The following ZNF83 variants were observed in gnomAD, a reference collection of about 807,000 sequenced individuals.
ZNF83 encodes zinc finger protein 83.
For synonymous variants in ZNF83, 209 were observed against 213.0 expected (o/e 0.98, Z 0.17); for missense variants, 552 against 629.9 (o/e 0.88, Z 1.32).
intron 2 of ZNF83, among the ~76,000 whole-genome samples, chr19:52,625,286 A>G (rs1275830801): frequency 6.6e-6 from 1 of 152,060 alleles, no homozygotes; most frequent in Non-Finnish European, 1.5e-5. Context: ...TATACCTTCC[A>G]TATCTTGCAC....
intron 1 of ZNF83, among the ~76,000 whole-genome samples, chr19:52,671,623 T>C (rs1432190103): frequency 6.6e-6 from 1 of 152,090 alleles, no homozygotes; most frequent in African/African-American, 2.4e-5. Context: ...GTTAGTACTT[T>C]GTAGAGGGGT....
chr19:52,667,401 TAA>T (rs969247228), intron 1 of ZNF83, among the ~76,000 whole-genome samples: 3 of 152,138 alleles, frequency 2.0e-5, no homozygotes, highest in Non-Finnish European at 2.9e-5. Flanking sequence ...AGAAAAGTTA[TAA>T]GAGGGAATTT....
chr19:52,682,243 G>A (rs968633606), intron 1 of ZNF83, among the ~76,000 whole-genome samples: 2 of 152,066 alleles, frequency 1.3e-5, no homozygotes, highest in African/African-American at 2.4e-5. Flanking sequence ...CAAATGATGT[G>A]TTTTCTACGT....
Position 52,653,332 on chromosome 19 carries a change from T to C in ZNF83, c.-74+2229A>G, listed in dbSNP as rs879159509. 4.7e-6 allele frequency: 6 copies of C among 1,265,866 alleles called. No homozygotes were observed. The South Asian group carries it at 5.9e-5, about 13-fold the overall frequency. The allele number at this position is 1,265,866 out of a possible 1,614,324, so 78.4% of individuals were successfully genotyped here. On this transcript the variant is annotated intron_variant, in intron 3 of 5. Coordinates refer to the ZNF83 transcript ENST00000594682. ...ACATGTGTAAGGTTTCTCTCCAGTATGAACTCTCTGATGTTGTGCAAGGTA... is the reference window on the plus strand; with the variant it reads ...ACATGTGTAAGGTTTCTCTCCAGTACGAACTCTCTGATGTTGTGCAAGGTA...
intron 1 of ZNF83, among the ~76,000 whole-genome samples, chr19:52,687,604 TATATATAATGTGTATATATATATATA>T (rs1568588921): frequency 7.7e-5 from 3 of 38,968 alleles, no homozygotes; most frequent in African/African-American, 4.1e-4. Context: ...ATAATGTATA[TATATATAATGTGTATATATATATATA>T]ATGTATATAT....
At chr19:52,644,337 C>G (rs329951) in intron 3 of ZNF83, among the ~76,000 whole-genome samples, 122,784 of 152,094 alleles carry the variant, frequency 0.81, 50,237 homozygotes, top group African/African-American at 0.95. Context: ...CTTTTCCGGT[C>G]TAGCCCCTCA....
chr19:52,619,092 G>A (rs751512377), intron 2 of ZNF83: 3 of 1,610,530 alleles, frequency 1.9e-6, no homozygotes, highest in South Asian at 1.1e-5. Flanking sequence ...TAACCAAATG[G>A]TTATGGGAGG....
At chr19:52,612,454 T>G (rs1282305602) in exon 3 of ZNF83, 2 of 152,992 alleles carry the variant, frequency 1.3e-5, no homozygotes, top group African/African-American at 4.8e-5. Flanking sequence ...TATTACATTA[T>G]CTTTGTGTAG....
chr19:52,614,438 T>C, exon 3 of ZNF83: 2 of 1,613,740 alleles, frequency 1.2e-6, no homozygotes, highest in Non-Finnish European at 1.7e-6. Context: ...GATTTTTCCA[T>C]GTGATCATAT....
chr19:52,627,194 A>G (rs2060773866), intron 2 of ZNF83, among the ~76,000 whole-genome samples: 1 of 140,978 alleles, frequency 7.1e-6, no homozygotes, highest in South Asian at 2.1e-4. Flanking sequence ...AAACTGCCCC[A>G]CCCCATCTCC....
intron 2 of ZNF83, chr19:52,618,663 C>T: frequency 4.0e-6 from 2 of 503,448 alleles, no homozygotes; most frequent in Non-Finnish European, 6.5e-6. Flanking sequence ...TCCCAAAGTG[C>T]TGGGATTACA....
chr19:52,655,162 G>A (rs955573009), intron 3 of ZNF83: 1 of 188,196 alleles, frequency 5.3e-6, no homozygotes, highest in Non-Finnish European at 1.1e-5. Context: ...ACTCCAGCCT[G>A]AGCAAGAGAG....
rs374571821 is a variant in ZNF83, at chr19:52,676,502, G to A, written c.-283+13941C>T. Among the ~76,000 whole-genome samples, 616 of 151,218 alleles carry A rather than the reference G, an allele frequency of 4.1e-3. 1 individual carries two copies. Among genetic ancestry groups the A allele is most frequent in the African/African-American group, 0.014 (584 of 41,302 alleles). On this transcript the variant is annotated intron_variant, in intron 1 of 5. Transcript: ENST00000594682. ...TAGCCTCCCCGTCCGGGAGGGAGGT[G>A]GGGGGCAGCCCCCGCCCGGCCAGCC...
At chr19:52,678,468 A>G (rs1234365609) in intron 1 of ZNF83, among the ~76,000 whole-genome samples, 8 of 151,482 alleles carry the variant, frequency 5.3e-5, no homozygotes, top group Non-Finnish European at 1.2e-4. Flanking sequence ...AAAAAAAGAA[A>G]AAAGAAAAAA....
At chr19:52,623,905 C>T (rs534477531) in intron 2 of ZNF83, among the ~76,000 whole-genome samples, 1 of 152,242 alleles carries the variant, frequency 6.6e-6, no homozygotes, top group East Asian at 1.9e-4. Context: ...GCCTATCCAC[C>T]CTGTGGTGCC....
intron 1 of ZNF83, among the ~76,000 whole-genome samples, chr19:52,690,077 A>G (rs1020235616): frequency 6.6e-6 from 1 of 151,916 alleles, no homozygotes; most frequent in Non-Finnish European, 1.5e-5. Context: ...GCTGCGCTTC[A>G]GAGGCCGACA....
At chr19:52,648,998 C>T (rs572666972) in intron 3 of ZNF83, among the ~76,000 whole-genome samples, 24 of 152,276 alleles carry the variant, frequency 1.6e-4, no homozygotes, top group African/African-American at 4.3e-4. Flanking sequence ...CCAGCTCCAG[C>T]GACAGTTTTC....
At chr19:52,635,186 G>A in intron 1 of ZNF83, 33 bp from the exon 2 acceptor site, 1 of 593,466 alleles carries the variant, frequency 1.7e-6, no homozygotes, top group Admixed American at 2.7e-5. Flanking sequence ...TTATTGCTCA[G>A]AATCAATACA....
chr19:52,689,726 C>G (rs1223631356), intron 1 of ZNF83, among the ~76,000 whole-genome samples: 1 of 151,320 alleles, frequency 6.6e-6, no homozygotes, highest in Non-Finnish European at 1.5e-5. Context: ...TTCTTCTTTT[C>G]TCTGTCTCAG....
Sources: gnomAD v4.1 joint callset for allele counts (sites outside exome capture counted in the v4.1 genomes callset) on GRCh38, gnomAD v4.1.1 for gene constraint, MANE v1.5 for transcripts, NCBI Gene and HGNC (gene_info 2026-07-23, HGNC 2026-07-21) for gene names.